The following MAST1 variants were observed in gnomAD, a reference collection of about 807,000 sequenced individuals.
MAST1 encodes the protein microtubule associated serine/threonine kinase 1, also known as microtubule-associated serine/threonine-protein kinase 1.
MAST1 carries 40 observed loss-of-function variants against 124.6 expected under a neutral mutation model. The ratio of observed to expected loss-of-function variants is 0.32; its 90% confidence interval spans 0.25 to 0.42. The LOEUF is 0.42. Among genes scored for constraint, MAST1 ranks in the 10% least tolerant of loss-of-function variants. The pLI is 1.00. For synonymous variants in MAST1, 938 were observed against 939.4 expected (o/e 1.00, Z 0.03); for missense variants, 1,558 against 2,181.9 (o/e 0.71, Z 5.70).
intron 12 of MAST1, among the ~76,000 whole-genome samples, chr19:12,862,135 G>C (rs1354289137): frequency 1.3e-5 from 2 of 151,736 alleles, no homozygotes; most frequent in Admixed American, 6.6e-5. Context: ...CTCCCGAGTA[G>C]CTAGGATTAC....
Position 12,852,011 on chromosome 19 carries a change from C to G in MAST1, c.852C>G (p.Arg284=), listed in dbSNP as rs781226392. 6.2e-7 allele frequency: 1 copy of G among 1,614,104 alleles called. No individual in the cohort carries two copies. The highest frequency in any genetic ancestry group is 1.7e-5 in the Admixed American group (1 of 60,020). The change falls in exon 8 of 26, where the codon CGC becomes CGG. Residue 284 remains arginine, a synonymous_variant. Coordinates refer to ENST00000251472, the MANE Select transcript of MAST1 (RefSeq NM_014975.3). ...AGAAGTTGCTTATTATCATCTCACG[C>G]CCTGCGAGGCTGCTGGAGTGCCTGG... The part of the protein sequence containing the change: ...LVKKLLIIIS[R]PARLLECLEF...
chr19:12,848,867 A>T (rs1220981757), intron 7 of MAST1: 3 of 152,132 alleles, frequency 2.0e-5, no homozygotes, highest in African/African-American at 7.3e-5. Context: ...CAGAGGCGGG[A>T]GAATCGCTTG....
Position 12,865,623 on chromosome 19 carries a change from T to C in MAST1, c.1805-94T>C. On this transcript the variant is annotated intron_variant, in intron 15 of 25. Coordinates refer to ENST00000251472, the MANE Select transcript of MAST1 (RefSeq NM_014975.3). This position sits in a 1 kb window ranked among gnomAD's most constrained non-coding sequence, Gnocchi z 7.1. The stretch of plus-strand genomic sequence containing the variant: ...TCAAGGCTGCAGTGAGCCATGATCG[T>C]GCCACTGCACTCCAGCTGGGTGACA... 7.0e-7 allele frequency: 1 copy of C among 1,433,084 alleles called. No individual in the cohort carries two copies. The highest frequency in any genetic ancestry group is 9.6e-7 in the Non-Finnish European group (1 of 1,040,562). The allele number at this position is 1,433,084 out of a possible 1,614,324, so 88.8% of individuals were successfully genotyped here.
At chr19:12,846,843 C>G (rs2145889438) in intron 4 of MAST1, among the ~76,000 whole-genome samples, 1 of 113,898 alleles carries the variant, frequency 8.8e-6, no homozygotes, top group South Asian at 2.9e-4. Flanking sequence ...ACACTCCAAA[C>G]TAGGCAACAA....
chr19:12,873,435 G>C lies in MAST1; in HGVS notation c.3375G>C (p.Pro1125=). ...CGCTGTCATCCAGCGATAGTCTCCC[G>C]GGCTCGCCTACGCACGGGCTGCCGG... ...NRSLSSSDSL[P]GSPTHGLPAR... The change falls in exon 25 of 26, where the codon CCG becomes CCC. Residue 1125 remains proline (P), a synonymous_variant. Coordinates refer to ENST00000251472, the MANE Select transcript of MAST1 (RefSeq NM_014975.3). The C allele has an allele frequency of 1.2e-6, 2 of 1,612,904 alleles. No homozygotes were observed. Among genetic ancestry groups the C allele is most frequent in the Non-Finnish European group, 1.7e-6 (2 of 1,179,952 alleles).
At chr19:12,853,125 C>T (rs998190413) in intron 10 of MAST1, among the ~76,000 whole-genome samples, 2 of 150,984 alleles carry the variant, frequency 1.3e-5, no homozygotes, top group African/African-American at 4.8e-5. Context: ...CATGTAACAC[C>T]ACACCCGGCT....
chr19:12,859,234 C>T (rs1241352455), intron 12 of MAST1, among the ~76,000 whole-genome samples: 2 of 152,092 alleles, frequency 1.3e-5, no homozygotes, highest in African/African-American at 4.8e-5. Flanking sequence ...CCTGTGCCAC[C>T]ATTCATGGGT....
rs1362607055 is a variant in MAST1 at position 12,847,536 on chromosome 19, G to T, written c.489-76G>T. Reference sequence around the variant, plus strand: ...AGACCCCTGTCCCCGCGAATAAAAGGGTTACATCTTGGGGCGGGGGCTCTC... The same window carrying T: ...AGACCCCTGTCCCCGCGAATAAAAGTGTTACATCTTGGGGCGGGGGCTCTC... On this transcript the variant is annotated intron_variant, in intron 5 of 25. Coordinates refer to ENST00000251472, the MANE Select transcript of MAST1 (RefSeq NM_014975.3). This position sits in a 1 kb window ranked among gnomAD's most constrained non-coding sequence, Gnocchi z 5.5. The T allele has an allele frequency of 6.2e-7, 1 of 1,612,628 alleles. No homozygotes were observed. The highest frequency in any genetic ancestry group is 1.3e-5 in the African/African-American group (1 of 74,850).
intron 10 of MAST1, among the ~76,000 whole-genome samples, chr19:12,855,033 C>T (rs1390849504): frequency 2.0e-5 from 3 of 151,972 alleles, no homozygotes; most frequent in African/African-American, 4.8e-5. Flanking sequence ...GAAGTCGAGA[C>T]CAGCCTGGCC....
intron 10 of MAST1, among the ~76,000 whole-genome samples, chr19:12,855,170 A>G (rs1418430537): frequency 3.3e-5 from 5 of 152,140 alleles, no homozygotes; most frequent in Admixed American, 1.3e-4. Flanking sequence ...GGAGACAAAG[A>G]TTGCAGTGAG....
intron 10 of MAST1, among the ~76,000 whole-genome samples, chr19:12,853,173 G>T (rs1016057563): frequency 6.6e-6 from 1 of 151,372 alleles, no homozygotes; most frequent in Non-Finnish European, 1.5e-5. Flanking sequence ...ATTTCTCCAT[G>T]TTGGTCAGGC....
chr19:12,853,028 T>C (rs923792597), intron 10 of MAST1, among the ~76,000 whole-genome samples: 3 of 150,896 alleles, frequency 2.0e-5, no homozygotes, highest in Non-Finnish European at 4.4e-5. Context: ...TGGAGTGCAA[T>C]GGCACTATCT....
intron 10 of MAST1, among the ~76,000 whole-genome samples, chr19:12,857,596 T>G (rs148912068): frequency 6.6e-6 from 1 of 151,650 alleles, no homozygotes; most frequent in Non-Finnish European, 1.5e-5. Flanking sequence ...GTATTTTCAG[T>G]AGAGATGGGG....
chr19:12,859,625 C>G (rs946295937), intron 12 of MAST1, among the ~76,000 whole-genome samples: 1 of 151,838 alleles, frequency 6.6e-6, no homozygotes, highest in Non-Finnish European at 1.5e-5. Flanking sequence ...ATGGTGAAAC[C>G]CTGACTCTAC....
rs753766566 is a variant in MAST1, at chr19:12,867,951, C to T, written c.2540C>T (p.Thr847Ile). Residue 847 changes from threonine (T) to isoleucine (I), a missense_variant, in exon 20 of 26, where the codon ACC (threonine) becomes ATC (isoleucine). By Grantham distance (89) the Thr-to-Ile change is moderately conservative. Around this residue, in one of 10 missense-constraint regions of MAST1, gnomAD observed 287 missense variants for 308.0 expected, o/e 0.93. Transcript: ENST00000251472. ...AAAGAGGAGACTCAAGGGGAAGGCA[C>T]CTCCAGCGCCGGGGACTCCGAGGCC... The part of the protein sequence containing the change: ...APKEETQGEG[T>I]SSAGDSEATD... 6.4e-7 allele frequency: 1 copy of T among 1,564,860 alleles called. No homozygotes were observed. Among genetic ancestry groups the T allele is most frequent in the African/African-American group, 1.4e-5 (1 of 72,618 alleles).
chr19:12,855,790 A>G (rs541631912), intron 10 of MAST1, among the ~76,000 whole-genome samples: 1 of 152,316 alleles, frequency 6.6e-6, no homozygotes, highest in South Asian at 2.1e-4. Context: ...CATTGTTTGT[A>G]GGATTCTGTT....
intron 21 of MAST1, 96 bp from the exon 22 acceptor site, chr19:12,868,970 G>T: frequency 6.5e-7 from 1 of 1,532,320 alleles, no homozygotes; most frequent in African/African-American, 1.4e-5. Flanking sequence ...CCAATGAGAG[G>T]CTGCTCTGCC....
chr19:12,842,292 CT>C (rs57798756), intron 3 of MAST1, among the ~76,000 whole-genome samples: 7 of 148,196 alleles, frequency 4.7e-5, no homozygotes, highest in Admixed American at 2.7e-4. Flanking sequence ...CTCTCTCTCT[CT>C]TTTTTTTTTC....
rs35071862 is a variant in MAST1, at chr19:12,874,031, C to A, written c.3874C>A (p.Pro1292Thr). ...LRKHSLEVGHPDFRKDFHGEL... is the reference protein window; with the variant it reads ...LRKHSLEVGHTDFRKDFHGEL... ...CAAACACAGCCTCGAGGTGGGCCAC[C>A]CGGATTTCCGCAAGGACTTCCATGG... The change falls in exon 26 of 26, where the codon CCG becomes ACG. Residue 1292 changes from proline to threonine, a missense_variant. Pro to Thr is a conservative substitution (Grantham distance 38). Around this residue, in one of 10 missense-constraint regions of MAST1, gnomAD observed 263 missense variants for 310.9 expected, o/e 0.85. Coordinates refer to ENST00000251472, the MANE Select transcript of MAST1 (RefSeq NM_014975.3). The surrounding 1 kb of genome is among the most constrained non-coding windows in gnomAD (Gnocchi z 6.6). 3 of 1,605,680 alleles carry A rather than the reference C, an allele frequency of 1.9e-6. No homozygotes were observed.
Sources: allele counts gnomAD v4.1 joint callset (sites outside exome capture counted in the v4.1 genomes callset), GRCh38; gene constraint gnomAD v4.1.1; regional missense constraint gnomAD v4.1.1; non-coding constraint Gnocchi (gnomAD v3.1); transcripts MANE v1.5; gene names NCBI Gene and HGNC (gene_info 2026-07-23, HGNC 2026-07-21).